Variants in LAMA1 observed in about 807,000 individuals in gnomAD.
The protein encoded by LAMA1 is laminin subunit alpha 1, also known as laminin subunit alpha-1.
A neutral mutation model predicts 348.7 loss-of-function variants in LAMA1; 219 were observed. That is an observed-to-expected ratio of 0.63 (90% CI 0.56 to 0.70). The LOEUF (loss-of-function observed/expected upper bound fraction) is 0.70, where lower values mean the gene tolerates loss of function less well. LAMA1 is among the 30% of genes least tolerant of loss of function. The probability of loss-of-function intolerance (pLI) is 0.00; values close to 1 mark genes in which losing one functional copy is unlikely to be tolerated. For synonymous variants in LAMA1, 1,487 were observed against 1,491.0 expected (o/e 1.00, Z 0.06); for missense variants, 3,744 against 3,888.0 (o/e 0.96, Z 0.99).
chr18:7,014,996 A>T (rs566173537), intron 22 of LAMA1, among the ~76,000 whole-genome samples: 268 of 151,936 alleles, frequency 1.8e-3, no homozygotes, highest in Admixed American at 5.2e-3. Context: ...ACAGGCGCCC[A>T]TCACCACGCC....
At chr18:7,025,105 G>A (rs553956091) in intron 17 of LAMA1, among the ~76,000 whole-genome samples, 1 of 152,312 alleles carries the variant, frequency 6.6e-6, no homozygotes, top group East Asian at 1.9e-4. Flanking sequence ...TGAAGGAAGA[G>A]TTCTAAAGGT....
intron 51 of LAMA1, 131 bp from the exon 52 acceptor site, chr18:6,962,190 G>C: frequency 1.4e-6 from 1 of 720,686 alleles, no homozygotes; most frequent in Admixed American, 2.2e-5. Flanking sequence ...GGAAGGCTGA[G>C]GTAGAAGGAT....
intron 42 of LAMA1, among the ~76,000 whole-genome samples, chr18:6,979,771 C>T (rs371134840): frequency 7.9e-5 from 12 of 151,770 alleles, no homozygotes; most frequent in East Asian, 1.9e-4. Flanking sequence ...CGGTGGCGGG[C>T]GCCTGTAGTC....
intron 1 of LAMA1, 22 bp from the exon 2 acceptor site, chr18:7,080,479 A>G (rs2058188922): frequency 6.2e-7 from 1 of 1,612,938 alleles, no homozygotes; most frequent in African/African-American, 1.3e-5. Flanking sequence ...AATTTACCAA[A>G]TCAGCTGAGC....
intron 1 of LAMA1, among the ~76,000 whole-genome samples, chr18:7,095,215 C>T (rs1013102115): frequency 4.6e-5 from 7 of 151,386 alleles, no homozygotes; most frequent in Non-Finnish European, 1.5e-5. Flanking sequence ...AAGTTCTTCC[C>T]TATATTTGTA....
chr18:7,006,422 A>C (rs2057832178), intron 29 of LAMA1, among the ~76,000 whole-genome samples: 1 of 152,180 alleles, frequency 6.6e-6, no homozygotes, highest in Non-Finnish European at 1.5e-5. Flanking sequence ...AGAGAAATAC[A>C]TTTTCAACAC....
chr18:7,050,509 G>A (rs111327749), intron 4 of LAMA1, among the ~76,000 whole-genome samples, 185 bp downstream of exon 4: 133 of 152,302 alleles, frequency 8.7e-4, no homozygotes, highest in African/African-American at 3.0e-3. Context: ...CTTGAAGAGA[G>A]GAAGTCAACA....
At chr18:6,950,660 C>T in intron 58 of LAMA1, 122 bp downstream of exon 58, 4 of 1,132,570 alleles carry the variant, frequency 3.5e-6, no homozygotes, top group Non-Finnish European at 5.2e-6. Context: ...GGGGGAGACA[C>T]CAGACACACA....
chr18:7,071,380 T>C (rs1281811660), intron 3 of LAMA1, among the ~76,000 whole-genome samples: 1 of 152,256 alleles, frequency 6.6e-6, no homozygotes, highest in Non-Finnish European at 1.5e-5. Flanking sequence ...TTCCTATATA[T>C]GTACCTGTTA....
At chr18:7,030,342 T>C (rs2057963138) in intron 16 of LAMA1, among the ~76,000 whole-genome samples, 1 of 152,158 alleles carries the variant, frequency 6.6e-6, no homozygotes, top group Non-Finnish European at 1.5e-5. Flanking sequence ...AAAAGTGTCA[T>C]AGTCATGAAG....
At position 7,026,360 on chromosome 18, in the gene LAMA1, T is replaced by G. The variant is rs531105724; in HGVS notation, c.2275-254A>C. ...AAGGGCAGGAGATGGAGGATCAAGC[T>G]TTTGCAAACATGACAGCAAGTGCTG... is the stretch of plus-strand genomic sequence containing the variant. On this transcript the variant is annotated intron_variant, in intron 16 of 62. Transcript: ENST00000389658. Among the ~76,000 whole-genome samples, 39 of 152,310 alleles carry G rather than the reference T, an allele frequency of 2.6e-4. No homozygotes were observed. In the South Asian group the frequency reaches 8.1e-3, roughly 32 times the overall value.
intron 4 of LAMA1, among the ~76,000 whole-genome samples, 186 bp from the exon 5 acceptor site, chr18:7,049,443 G>C (rs991975969): frequency 1.3e-5 from 2 of 152,120 alleles, no homozygotes; most frequent in African/African-American, 4.8e-5. Flanking sequence ...GGGACTATAG[G>C]TGTGCACCAC....
intron 9 of LAMA1, 126 bp downstream of exon 9, chr18:7,042,019 T>C: frequency 1.4e-6 from 1 of 735,970 alleles, no homozygotes; most frequent in Non-Finnish European, 2.4e-6. Context: ...GCTTGATACG[T>C]ACTTGGTGAA....
chr18:7,105,471 A>C (rs1347080523), intron 1 of LAMA1, among the ~76,000 whole-genome samples: 1 of 145,656 alleles, frequency 6.9e-6, no homozygotes, highest in Non-Finnish European at 1.5e-5. Flanking sequence ...TAAATAAATA[A>C]ATAAATAAAC....
rs140718292 is a variant in LAMA1 at position 7,049,172 on chromosome 18, C to T, written c.674G>A (p.Arg225His). The change falls in exon 5 of 63, where the codon CGC (arginine) becomes CAC (histidine). Residue 225 changes from arginine (R) to histidine (H), a missense_variant. Physicochemically the swap from Arg to His is conservative, Grantham distance 29. Transcript: ENST00000389658. Reference sequence around the variant, plus strand: ...CGTTCTAATGCGTTGCAAGCGAAGGCGAATATATCGTGCAGAAGTGAATTC... The same window carrying T: ...CGTTCTAATGCGTTGCAAGCGAAGGTGAATATATCGTGCAGAAGTGAATTC... The part of the protein sequence containing the change: ...LLEFTSARYI[R>H]LRLQRIRTLN... 9.8e-3 allele frequency: 15,747 copies of T among 1,613,776 alleles called. 89 individuals carry two copies. The highest frequency in any genetic ancestry group is 0.012 in the Non-Finnish European group (14,164 of 1,179,936).
chr18:6,956,963 G>T (rs1164973961), intron 55 of LAMA1, 198 bp from the exon 56 acceptor site: 3 of 607,560 alleles, frequency 4.9e-6, no homozygotes, highest in Non-Finnish European at 8.7e-6. Flanking sequence ...TGAAGCTTCT[G>T]CTTGCAATGG....
At chr18:7,112,027 A>C in intron 1 of LAMA1, among the ~76,000 whole-genome samples, 1 of 152,324 alleles carries the variant, frequency 6.6e-6, no homozygotes, top group East Asian at 1.9e-4. Context: ...AATTGTTCTC[A>C]AACTCAACTT....
At chr18:7,036,134 C>G in intron 12 of LAMA1, 46 bp from the exon 13 acceptor site, 1 of 1,338,062 alleles carries the variant, frequency 7.5e-7, no homozygotes, top group Non-Finnish European at 1.1e-6. Context: ...AAGACAATCA[C>G]AGCAACAATC....
intron 30 of LAMA1, among the ~76,000 whole-genome samples, chr18:7,000,522 A>T (rs959552636): frequency 6.6e-6 from 1 of 152,238 alleles, no homozygotes; most frequent in Non-Finnish European, 1.5e-5. Context: ...GCAGGCAGGG[A>T]GTTATGTGGT....
Sources: allele counts gnomAD v4.1 joint callset (sites outside exome capture counted in the v4.1 genomes callset), GRCh38; gene constraint gnomAD v4.1.1; transcripts MANE v1.5; gene names NCBI Gene and HGNC (gene_info 2026-07-23, HGNC 2026-07-21).